Variants in CACNA2D1 observed in about 807,000 individuals in gnomAD.
CACNA2D1 encodes voltage-dependent calcium channel subunit alpha-2/delta-1.
In CACNA2D1, 53 loss-of-function variants were observed where a neutral mutation model predicts 171.5. That is an observed-to-expected ratio of 0.31 (90% CI 0.25 to 0.39). The LOEUF (loss-of-function observed/expected upper bound fraction) is 0.39. Among genes scored for constraint, CACNA2D1 ranks in the 10% least tolerant of loss-of-function variants. The pLI is 1.00. For synonymous variants in CACNA2D1, 442 were observed against 443.1 expected, an observed-to-expected ratio of 1.00 and a Z score of 0.03; for missense variants, 903 against 1,299.8, an observed-to-expected ratio of 0.69 and a Z score of 4.69.
chr7:82,001,923 A>C (rs1485252953), intron 18 of CACNA2D1, among the ~76,000 whole-genome samples: 1 of 151,540 alleles, frequency 6.6e-6, no homozygotes, highest in Non-Finnish European at 1.5e-5. Context: ...TTACATTTTT[A>C]AGAAAAATGA....
At chr7:82,192,749 C>CA (rs1563183044) in intron 3 of CACNA2D1, among the ~76,000 whole-genome samples, 1 of 140,682 alleles carries the variant, frequency 7.1e-6, no homozygotes, top group Non-Finnish European at 1.6e-5. Flanking sequence ...GCAGCTGTTC[C>CA]TTTTTTTTTT....
chr7:81,952,235 T>A (rs1228506281), intron 38 of CACNA2D1, among the ~76,000 whole-genome samples: 1 of 151,682 alleles, frequency 6.6e-6, no homozygotes, highest in Admixed American at 6.6e-5. Flanking sequence ...AAGGTAGATG[T>A]TCTAAGAATC....
intron 3 of CACNA2D1, among the ~76,000 whole-genome samples, chr7:82,313,611 C>A (rs1336030858): frequency 1.3e-5 from 2 of 152,186 alleles, no homozygotes; most frequent in African/African-American, 4.8e-5. Context: ...CCTTCCATAA[C>A]CTCAACATGG....
intron 3 of CACNA2D1, among the ~76,000 whole-genome samples, chr7:82,192,017 T>G (rs10229039): frequency 0.3 from 45,679 of 151,544 alleles, 7,397 homozygotes; most frequent in African/African-American, 0.41. Context: ...AGTTGTATTT[T>G]CACAAATTCA....
chr7:81,996,519 G>A (rs37105), intron 19 of CACNA2D1, among the ~76,000 whole-genome samples: 5,956 of 151,892 alleles, frequency 0.039, 366 homozygotes, highest in African/African-American at 0.13. Flanking sequence ...CTGAAGAACT[G>A]TAGAGAAACT....
At chr7:82,363,143 A>G (rs751528765) in intron 1 of CACNA2D1, among the ~76,000 whole-genome samples, 92 of 152,082 alleles carry the variant, frequency 6.0e-4, no homozygotes, top group Non-Finnish European at 9.1e-4. Context: ...GTCCTCAGGC[A>G]TCCAATTTCT....
intron 8 of CACNA2D1, among the ~76,000 whole-genome samples, chr7:82,065,530 A>C (rs532509411): frequency 6.6e-6 from 1 of 152,318 alleles, no homozygotes; most frequent in African/African-American, 2.4e-5. Flanking sequence ...TAAATTAGTA[A>C]TAATTGTCAC....
intron 3 of CACNA2D1, among the ~76,000 whole-genome samples, chr7:82,285,833 T>A (rs1278693783): frequency 6.6e-6 from 1 of 152,168 alleles, no homozygotes; most frequent in Admixed American, 6.6e-5. Flanking sequence ...CTTGGTGATG[T>A]CTTACGTTAA....
intron 3 of CACNA2D1, among the ~76,000 whole-genome samples, chr7:82,236,377 T>C (rs1563240429): frequency 6.6e-6 from 1 of 152,048 alleles, no homozygotes. Context: ...TGGTAGTCAA[T>C]AGTATAATAT....
chr7:82,356,029 C>T (rs1820380693), intron 1 of CACNA2D1, among the ~76,000 whole-genome samples: 2 of 151,972 alleles, frequency 1.3e-5, no homozygotes, highest in South Asian at 4.2e-4. Context: ...GGGTCCATAC[C>T]ATCTTATCCC....
chr7:82,285,839 G>A (rs767925001), intron 3 of CACNA2D1, among the ~76,000 whole-genome samples: 14 of 152,108 alleles, frequency 9.2e-5, no homozygotes, highest in Admixed American at 1.3e-4. Context: ...GATGTCTTAC[G>A]TTAAAGTACG....
At chr7:82,099,340 C>T (rs1235405289) in intron 6 of CACNA2D1, among the ~76,000 whole-genome samples, 1 of 150,862 alleles carries the variant, frequency 6.6e-6, no homozygotes, top group African/African-American at 2.4e-5. Flanking sequence ...AATTAAAAGC[C>T]AGTACATTTT....
chr7:82,137,600 G>A (rs955849384), intron 4 of CACNA2D1, among the ~76,000 whole-genome samples: 36 of 151,446 alleles, frequency 2.4e-4, no homozygotes, highest in African/African-American at 6.3e-4. Flanking sequence ...AGGCTGACGC[G>A]GTGGCTCACG....
intron 6 of CACNA2D1, among the ~76,000 whole-genome samples, chr7:82,089,049 T>C (rs1243130399): frequency 6.6e-6 from 1 of 152,144 alleles, no homozygotes; most frequent in Non-Finnish European, 1.5e-5. Context: ...CGTGGCCCGG[T>C]TCCTAACAGG....
In CACNA2D1 at chr7:81,971,777, A is replaced by G. The variant is rs770479932; in HGVS notation, c.2141T>C (p.Ile714Thr). 2.6e-6 allele frequency: 4 copies of G among 1,522,670 alleles called. No individual in the cohort carries two copies. The highest frequency in any genetic ancestry group is 1.7e-5 in the Admixed American group (1 of 59,682). 94.3% of individuals were successfully genotyped at this position (1,522,670 alleles called of 1,614,324 possible). Residue 714 changes from isoleucine to threonine, a missense_variant and splice_region_variant, in exon 26 of 39, where the codon ATC becomes ACC. This residue lies in a region of CACNA2D1 where 623 missense variants were observed against 925.5 expected (regional missense o/e 0.67). Transcript: ENST00000356860. ...VQNYWSKQKN[I>T]KGVKARFVVT... The stretch of plus-strand genomic sequence containing the variant: ...TTTATTAATAAGAACAAATACTTAC[A>G]TATTTTTCTGCTTACTCCAGTAATT...
At chr7:82,235,179 A>G (rs1444903054) in intron 3 of CACNA2D1, among the ~76,000 whole-genome samples, 1 of 152,188 alleles carries the variant, frequency 6.6e-6, no homozygotes, top group African/African-American at 2.4e-5. Flanking sequence ...AACAGTTGGA[A>G]TGGTAAACTA....
At chr7:82,149,449 G>T (rs899869072) in intron 4 of CACNA2D1, among the ~76,000 whole-genome samples, 1 of 152,018 alleles carries the variant, frequency 6.6e-6, no homozygotes, top group Non-Finnish European at 1.5e-5. Flanking sequence ...GACAACTGGG[G>T]CTGTTTCCCT....
chr7:82,225,274 T>C (rs1335565410), intron 3 of CACNA2D1, among the ~76,000 whole-genome samples: 1 of 152,170 alleles, frequency 6.6e-6, no homozygotes, highest in African/African-American at 2.4e-5. Flanking sequence ...AAGAACTAGG[T>C]TGATTGCCCT....
chr7:81,994,533 A>G (rs1282152442), intron 20 of CACNA2D1, among the ~76,000 whole-genome samples: 1 of 152,144 alleles, frequency 6.6e-6, no homozygotes, highest in African/African-American at 2.4e-5. Context: ...TAACATTGGC[A>G]TAGTGTAAAA....
Sources: gnomAD v4.1 joint callset for allele counts (sites outside exome capture counted in the v4.1 genomes callset) on GRCh38, gnomAD v4.1.1 for gene constraint, gnomAD v4.1.1 regional missense constraint, MANE v1.5 for transcripts, NCBI Gene and HGNC (gene_info 2026-07-23, HGNC 2026-07-21) for gene names.